Variants in TMEM135 observed in about 807,000 individuals in gnomAD.
TMEM135 encodes the protein peroxisomal membrane protein 52.
In TMEM135, 30 loss-of-function variants were observed where a neutral mutation model predicts 60.3. The observed-to-expected ratio is 0.50, with a 90% confidence interval of 0.37 to 0.68. TMEM135 has a LOEUF of 0.68. Ranked by LOEUF, TMEM135 falls within the 30% of genes least tolerant of loss-of-function variation. TMEM135 has a pLI of 0.00. For synonymous variants in TMEM135, 190 were observed against 186.7 expected (o/e 1.02, Z -0.14); for missense variants, 468 against 548.8 (o/e 0.85, Z 1.47).
At chr11:87,134,306 T>A (rs920874981) in intron 4 of TMEM135, among the ~76,000 whole-genome samples, 1 of 152,160 alleles carries the variant, frequency 6.6e-6, no homozygotes, top group Non-Finnish European at 1.5e-5. Context: ...GAACCCACCC[T>A]AAAGGAGCTC....
chr11:87,316,799 G>T (rs1451459813), intron 12 of TMEM135, among the ~76,000 whole-genome samples: 1 of 151,766 alleles, frequency 6.6e-6, no homozygotes, highest in Non-Finnish European at 1.5e-5. Flanking sequence ...GCAAGGAATG[G>T]TATCTCTCTG....
At chr11:87,091,081 T>C (rs1010607029) in intron 3 of TMEM135, among the ~76,000 whole-genome samples, 1 of 152,036 alleles carries the variant, frequency 6.6e-6, no homozygotes. Flanking sequence ...CTCTTGCCAA[T>C]AACAAATAAC....
intron 5 of TMEM135, among the ~76,000 whole-genome samples, chr11:87,203,607 A>G (rs768086687): frequency 2.2e-4 from 34 of 152,078 alleles, no homozygotes; most frequent in Non-Finnish European, 3.2e-4. Flanking sequence ...TTACTCACCT[A>G]CTGGAGAACA....
intron 6 of TMEM135, among the ~76,000 whole-genome samples, chr11:87,249,552 T>G (rs931798684): frequency 1.3e-5 from 2 of 152,138 alleles, no homozygotes; most frequent in Non-Finnish European, 2.9e-5. Flanking sequence ...TTAGGTTGTT[T>G]AAAGGTTTTC....
intron 6 of TMEM135, chr11:87,259,386 G>GTA: frequency 3.4e-6 from 1 of 292,310 alleles, no homozygotes; most frequent in South Asian, 3.4e-5. Context: ...ATGTGTGTGT[G>GTA]TATATGTGTA....
intron 4 of TMEM135, among the ~76,000 whole-genome samples, chr11:87,134,404 T>G (rs935805737): frequency 2.6e-5 from 4 of 152,154 alleles, no homozygotes; most frequent in South Asian, 2.1e-4. Context: ...AACATATATA[T>G]TTTTTGGTGG....
At chr11:87,167,736 C>T (rs920797247) in intron 5 of TMEM135, among the ~76,000 whole-genome samples, 13 of 152,052 alleles carry the variant, frequency 8.5e-5, no homozygotes, top group East Asian at 3.9e-4. Context: ...ATTTTCGCAT[C>T]GATGTTCATC....
chr11:87,296,659 C>T (rs7118558), intron 7 of TMEM135, among the ~76,000 whole-genome samples: 95,855 of 151,950 alleles, frequency 0.63, 30,510 homozygotes, highest in Non-Finnish European at 0.67. Flanking sequence ...TCAAATGAGT[C>T]AATATGTGAA....
At chr11:87,154,533 AT>A (rs1211160052) in intron 4 of TMEM135, among the ~76,000 whole-genome samples, 4 of 152,158 alleles carry the variant, frequency 2.6e-5, no homozygotes, top group Non-Finnish European at 5.9e-5. Context: ...CGATGTGTAA[AT>A]TTTAAAGTAA....
intron 12 of TMEM135, among the ~76,000 whole-genome samples, chr11:87,316,164 C>G (rs1416381314): frequency 6.6e-6 from 1 of 151,866 alleles, no homozygotes; most frequent in Non-Finnish European, 1.5e-5. Flanking sequence ...CCTCCCCTTG[C>G]TTTTTAGAAA....
intron 6 of TMEM135, among the ~76,000 whole-genome samples, chr11:87,252,518 A>G (rs1411553168): frequency 1.3e-5 from 2 of 152,188 alleles, no homozygotes; most frequent in African/African-American, 4.8e-5. Context: ...CATGCCTGTA[A>G]TCCCAGCACT....
At chr11:87,134,174 T>G (rs1938021162) in intron 4 of TMEM135, among the ~76,000 whole-genome samples, 2 of 152,182 alleles carry the variant, frequency 1.3e-5, no homozygotes, top group Non-Finnish European at 2.9e-5. Context: ...TGGTTTTTTC[T>G]GAGGCCTCTT....
At chr11:87,107,376 T>C (rs910733934) in intron 4 of TMEM135, among the ~76,000 whole-genome samples, 2 of 152,000 alleles carry the variant, frequency 1.3e-5, no homozygotes, top group African/African-American at 4.8e-5. Context: ...TAACTCGTCA[T>C]TTACATTAGG....
rs1374689753 is a variant in TMEM135, at chr11:87,247,566, C to T, written c.509+10882C>T. Among the ~76,000 whole-genome samples, 8 of 152,156 alleles carry T rather than the reference C, an allele frequency of 5.3e-5. 1 individual carries two copies. Among genetic ancestry groups the T allele is most frequent in the Admixed American group, 5.2e-4 (8 of 15,288 alleles). ...AAGCAAGCCTGGGCAATGGCAGGCACCCCTCCCCCAGCCTCGCTGCCACCT... is the reference window on the plus strand; with the variant it reads ...AAGCAAGCCTGGGCAATGGCAGGCATCCCTCCCCCAGCCTCGCTGCCACCT... On this transcript the variant is annotated intron_variant, in intron 6 of 14. Transcript: ENST00000305494.
Position 87,314,531 on chromosome 11 carries a change from C to A in TMEM135, c.1061C>A (p.Ala354Glu). The change falls in exon 12 of 15, where the codon GCG (alanine) becomes GAG (glutamate). Residue 354 changes from alanine (A) to glutamate (E), a missense_variant. By Grantham distance (107) the Ala-to-Glu change is moderately radical. Transcript: ENST00000305494. The stretch of plus-strand genomic sequence containing the variant: ...AGCACAACAATTTCCATGTATTTAG[C>A]GTCCAAATTGGTAGAGGTAAGCGAA... Reference protein sequence around the residue: ...YKSTTISMYLASKLVETMYFK... With the variant: ...YKSTTISMYLESKLVETMYFK... 1 of 1,610,550 alleles carries A rather than the reference C, an allele frequency of 6.2e-7. No homozygotes were observed. Among genetic ancestry groups the A allele is most frequent in the South Asian group, 1.1e-5 (1 of 91,016 alleles).
chr11:87,216,077 A>T (rs1341961208), intron 5 of TMEM135, among the ~76,000 whole-genome samples: 2 of 152,188 alleles, frequency 1.3e-5, no homozygotes, highest in East Asian at 3.8e-4. Context: ...ACTGTTCCTA[A>T]TTTATAAATT....
chr11:87,155,576 T>G (rs1038750944), intron 4 of TMEM135, among the ~76,000 whole-genome samples: 2 of 152,026 alleles, frequency 1.3e-5, no homozygotes, highest in Admixed American at 6.5e-5. Context: ...CAGAGAGAGA[T>G]GTTTAAGTTT....
chr11:87,104,649 T>C (rs1027564577), intron 4 of TMEM135, among the ~76,000 whole-genome samples: 4 of 152,222 alleles, frequency 2.6e-5, no homozygotes, highest in African/African-American at 9.6e-5. Context: ...TGGTTAAATA[T>C]ACCCCTAAGG....
chr11:87,231,773 G>A (rs1047113573), intron 5 of TMEM135, among the ~76,000 whole-genome samples: 10 of 151,964 alleles, frequency 6.6e-5, no homozygotes, highest in African/African-American at 1.9e-4. Context: ...AAAAGTTAGA[G>A]ATATGGAAAT....
Sources: gnomAD v4.1 joint callset for allele counts (sites outside exome capture counted in the v4.1 genomes callset) on GRCh38, gnomAD v4.1.1 for gene constraint, MANE v1.5 for transcripts, NCBI Gene and HGNC (gene_info 2026-07-23, HGNC 2026-07-21) for gene names.